Variants in CNTLN observed in about 807,000 individuals in gnomAD.
CNTLN encodes the protein centlein, also known as centlein, centrosomal protein.
Under a neutral mutation model 180.0 loss-of-function variants are expected in CNTLN, and 212 were observed. That is an observed-to-expected ratio of 1.18 (90% CI 1.05 to 1.32). The LOEUF is 1.32. Ranked by LOEUF, CNTLN falls within the 40% of genes most tolerant of loss-of-function variation. CNTLN has a pLI of 0.00. For missense variants in CNTLN, 2,095 were observed against 1,610.9 expected (o/e 1.30, Z -5.14); for synonymous variants, 722 against 563.1 (o/e 1.28, Z -3.99).
chr9:17,325,556 T>TACACACAC lies in CNTLN; in HGVS notation c.1342-5063_1342-5056dup, dbSNP rs142190202. 6.2e-3 allele frequency among the ~76,000 whole-genome samples: 912 copies of TACACACAC among 147,618 alleles called. 12 individuals carry two copies. The highest frequency in any genetic ancestry group is 0.02 in the African/African-American group (801 of 40,552). On this transcript the variant is annotated intron_variant, in intron 8 of 25. Coordinates refer to ENST00000380647, the MANE Select transcript of CNTLN (RefSeq NM_017738.4). Reference sequence around the variant, plus strand: ...TATATACACATGTAACAGATTTTATTACACACACACACACACACACGCACA... The same window carrying TACACACAC: ...TATATACACATGTAACAGATTTTATTACACACACACACACACACACACACACACGCACA...
At position 17,457,396 on chromosome 9, in the gene CNTLN, A is replaced by G. The variant is rs187179021; in HGVS notation, c.3115-128A>G. The G allele has an allele frequency of 1.2e-3, 651 of 529,258 alleles. 2 individuals are homozygous for G. Among genetic ancestry groups the G allele is most frequent in the Non-Finnish European group, 1.4e-3 (499 of 354,896 alleles). 32.8% of individuals were successfully genotyped at this position (529,258 alleles called of 1,614,324 possible). A position where few individuals can be genotyped will look rare whatever the true frequency, so the allele number is the denominator to read the frequency against. ...TTAAGATTTTTGTAAAGTTTGTATA[A>G]TAACTATAATTAATTTCAGTTCTCT... On this transcript the variant is annotated intron_variant, in intron 18 of 25. Coordinates refer to ENST00000380647, the MANE Select transcript of CNTLN (RefSeq NM_017738.4).
intron 12 of CNTLN, among the ~76,000 whole-genome samples, chr9:17,364,882 A>G (rs1007987661): frequency 4.6e-5 from 7 of 152,176 alleles, no homozygotes; most frequent in Non-Finnish European, 1.0e-4. Flanking sequence ...CTATTGATTT[A>G]GGCTTGGGAT....
chr9:17,327,606 T>C (rs1355938582), intron 8 of CNTLN, among the ~76,000 whole-genome samples: 2 of 152,110 alleles, frequency 1.3e-5, no homozygotes. Context: ...TACTGAAATT[T>C]TTACATTGAA....
the CNTLN span, among the ~76,000 whole-genome samples, chr9:17,510,292 A>G: frequency 6.6e-6 from 1 of 152,216 alleles, no homozygotes; most frequent in Non-Finnish European, 1.5e-5. Context: ...CCATATGACC[A>G]TAGTGACCAC....
chr9:17,466,950 C>T, intron 23 of CNTLN, 59 bp downstream of exon 23: 1 of 1,208,686 alleles, frequency 8.3e-7, no homozygotes, highest in Non-Finnish European at 1.2e-6. Context: ...AGGCAGTAGC[C>T]TACTTGAGAT....
In CNTLN at chr9:17,282,437, G is replaced by A. The variant is rs1350502549; in HGVS notation, c.983+8571G>A. On this transcript the variant is annotated intron_variant, in intron 6 of 25. Coordinates refer to ENST00000380647, the MANE Select transcript of CNTLN (RefSeq NM_017738.4). ...CTTTGCCCACTTTTTAAATGGGGCT[G>A]TTTGTTTTTTTCTTGTAAATTTAAG... is the stretch of plus-strand genomic sequence containing the variant. 1.3e-5 allele frequency among the ~76,000 whole-genome samples: 2 copies of A among 152,106 alleles called. 1 individual carries two copies. Among genetic ancestry groups the A allele is most frequent in the Admixed American group, 1.3e-4 (2 of 15,262 alleles).
At chr9:17,207,228 A>C (rs1036819441) in intron 2 of CNTLN, among the ~76,000 whole-genome samples, 22 of 152,234 alleles carry the variant, frequency 1.4e-4, no homozygotes, top group Non-Finnish European at 7.4e-5. Context: ...TTCGCTTTTT[A>C]TATCATTTGC....
intron 2 of CNTLN, among the ~76,000 whole-genome samples, chr9:17,175,793 A>G (rs1054701495): frequency 1.3e-5 from 2 of 152,060 alleles, no homozygotes; most frequent in African/African-American, 2.4e-5. Context: ...GATTGCTTTC[A>G]CTACCATTTT....
intron 15 of CNTLN, among the ~76,000 whole-genome samples, chr9:17,404,873 G>A (rs142419955): frequency 0.015 from 2,204 of 151,512 alleles, 108 homozygotes; most frequent in African/African-American, 0.052. Flanking sequence ...GAGTAGCTGG[G>A]ACTACAGGTG....
rs919275545 is a variant in CNTLN, at chr9:17,502,770, C to T, written c.*118C>T. On this transcript the variant is annotated 3_prime_UTR_variant, in exon 26 of 26. Transcript: ENST00000380647. ...CAACTATCAATAGTCAGGTTCAATA[C>T]CAAAATAAGAAGTCTCTGAAAATAA... 5 of 424,922 alleles carry T rather than the reference C, an allele frequency of 1.2e-5. No individual in the cohort carries two copies. The highest frequency in any genetic ancestry group is 4.8e-5 in the Admixed American group (1 of 21,026). The allele number at this position is 424,922 out of a possible 1,614,324, so 26.3% of individuals were successfully genotyped here. A position where few individuals can be genotyped will look rare whatever the true frequency, so the allele number is the denominator to read the frequency against.
intron 2 of CNTLN, among the ~76,000 whole-genome samples, chr9:17,181,159 A>G (rs116802517): frequency 0.019 from 2,820 of 152,214 alleles, 55 homozygotes; most frequent in African/African-American, 0.048. Context: ...TTTCTCTTCT[A>G]CCTAGGCTCA....
At chr9:17,466,258 C>A in intron 22 of CNTLN, 140 bp downstream of exon 22, 1 of 639,464 alleles carries the variant, frequency 1.6e-6, no homozygotes, top group Non-Finnish European at 2.7e-6. Context: ...ATTTGTATCT[C>A]TACATGAAAC....
intron 2 of CNTLN, among the ~76,000 whole-genome samples, chr9:17,165,602 G>GTCC (rs61039973): frequency 0.34 from 51,250 of 151,784 alleles, 10,813 homozygotes; most frequent in East Asian, 0.61. Flanking sequence ...AGACTCTCTG[G>GTCC]TCCTCCTCTC....
At chr9:17,375,488 A>G (rs543349325) in intron 13 of CNTLN, among the ~76,000 whole-genome samples, 2 of 152,300 alleles carry the variant, frequency 1.3e-5, no homozygotes, top group African/African-American at 4.8e-5. Flanking sequence ...ATCACATGTC[A>G]TCTACCCTGT....
downstream of CNTLN, among the ~76,000 whole-genome samples, chr9:17,507,561 GCTATTT>G (rs1330607864): frequency 1.3e-5 from 2 of 152,142 alleles, no homozygotes; most frequent in Non-Finnish European, 2.9e-5. Context: ...TCGAAGAGTT[GCTATTT>G]CTAATTCCTA....
intron 8 of CNTLN, among the ~76,000 whole-genome samples, chr9:17,317,652 A>G (rs1819619656): frequency 6.6e-6 from 1 of 152,176 alleles, no homozygotes. Flanking sequence ...TTTTTTGTGT[A>G]TGGTGGCAGA....
At chr9:17,480,847 A>G (rs1832603556) in intron 23 of CNTLN, among the ~76,000 whole-genome samples, 1 of 152,250 alleles carries the variant, frequency 6.6e-6, no homozygotes, top group Non-Finnish European at 1.5e-5. Context: ...TAATTCAGCC[A>G]AAATGTAACT....
chr9:17,514,375 G>T, the CNTLN span, among the ~76,000 whole-genome samples: 7 of 152,026 alleles, frequency 4.6e-5, no homozygotes, highest in South Asian at 1.5e-3. Context: ...TTAGAATATA[G>T]ATAAAGATCT....
chr9:17,504,394 A>G (rs1833893917), downstream of CNTLN, among the ~76,000 whole-genome samples: 1 of 152,212 alleles, frequency 6.6e-6, no homozygotes, highest in Non-Finnish European at 1.5e-5. Flanking sequence ...TTACAAAGAT[A>G]AAAATGAGAC....
Sources: gnomAD v4.1 joint callset for allele counts (sites outside exome capture counted in the v4.1 genomes callset) on GRCh38, gnomAD v4.1.1 for gene constraint, MANE v1.5 for transcripts, NCBI Gene and HGNC (gene_info 2026-07-23, HGNC 2026-07-21) for gene names.